The following KIF20B variants were observed in gnomAD, a reference collection of about 807,000 sequenced individuals.
The protein encoded by KIF20B is kinesin family member 20B, also known as kinesin-like protein KIF20B.
A neutral mutation model predicts 232.5 loss-of-function variants in KIF20B; 188 were observed. The observed-to-expected ratio is 0.81, with a 90% CI of 0.72 to 0.91. The LOEUF (loss-of-function observed/expected upper bound fraction) is 0.91, where lower values mean the gene tolerates loss of function less well. Ranked by LOEUF, KIF20B falls within the 40% of genes least tolerant of loss-of-function variation. The probability of loss-of-function intolerance (pLI) is 0.00; values close to 1 mark genes in which losing one functional copy is unlikely to be tolerated. For missense variants in KIF20B, 2,154 were observed against 2,055.9 expected, an observed-to-expected ratio of 1.05 and a Z score of -0.92; for synonymous variants, 712 against 683.0, an observed-to-expected ratio of 1.04 and a Z score of -0.66.
chr10:89,738,660 A>G (rs1367433318), intron 20 of KIF20B, 43 bp downstream of exon 20: 1 of 1,501,906 alleles, frequency 6.7e-7, no homozygotes, highest in Admixed American at 2.4e-5. Flanking sequence ...TACACAAAGC[A>G]TTCATTTTGC....
chr10:89,772,881 T>G, intron 32 of KIF20B, 50 bp downstream of exon 32: 1 of 1,491,474 alleles, frequency 6.7e-7, no homozygotes, highest in Non-Finnish European at 9.0e-7. Flanking sequence ...CGTGTTCTTT[T>G]TAATTTTTTA....
At chr10:89,727,806 A>G (rs772217411) in intron 16 of KIF20B, 50 bp from the exon 17 acceptor site, 56 of 1,442,708 alleles carry the variant, frequency 3.9e-5, no homozygotes, top group African/African-American at 4.2e-5. Context: ...TCAGTGATAC[A>G]TATTTTTAGA....
intron 31 of KIF20B, among the ~76,000 whole-genome samples, chr10:89,771,998 C>T (rs1310504754): frequency 6.6e-6 from 1 of 151,864 alleles, no homozygotes; most frequent in Non-Finnish European, 1.5e-5. Flanking sequence ...CAGCTCAGCC[C>T]TTAACAAGTA....
At chr10:89,732,269 G>A (rs1053965649) in intron 18 of KIF20B, among the ~76,000 whole-genome samples, 19 of 152,062 alleles carry the variant, frequency 1.2e-4, no homozygotes, top group African/African-American at 3.9e-4. Context: ...TGGGACTGCA[G>A]GCATGGACCA....
At position 89,724,112 on chromosome 10, in the gene KIF20B, T is replaced by G; in HGVS notation, c.1862+9T>G. 3.4e-6 allele frequency: 5 copies of G among 1,472,670 alleles called. No individual in the cohort carries two copies. Among genetic ancestry groups the G allele is most frequent in the Non-Finnish European group, 4.5e-6 (5 of 1,114,472 alleles). 91.2% of individuals were successfully genotyped at this position (1,472,670 alleles called of 1,614,324 possible). On this transcript the variant is annotated intron_variant, in intron 14 of 32. Coordinates refer to ENST00000371728, the MANE Select transcript of KIF20B (RefSeq NM_001284259.2). ...CGGGAAGCTGACTTTAAGTAAGTTA[T>G]TTATTTCATGTCCAGGTAAAAATTG...
chr10:89,751,734 T>C (rs568904374), intron 24 of KIF20B, among the ~76,000 whole-genome samples: 96 of 152,150 alleles, frequency 6.3e-4, no homozygotes, highest in African/African-American at 2.2e-3. Context: ...TAACTTGCAG[T>C]GTTCCCTAGA....
chr10:89,770,863 A>G (rs1842448391), intron 31 of KIF20B, among the ~76,000 whole-genome samples: 1 of 151,970 alleles, frequency 6.6e-6, no homozygotes, highest in Admixed American at 6.6e-5. Flanking sequence ...GTTCTTTTCA[A>G]AGTGCAGATT....
At chr10:89,703,873 C>T (rs1304106607) in intron 1 of KIF20B, among the ~76,000 whole-genome samples, 4 of 151,882 alleles carry the variant, frequency 2.6e-5, no homozygotes, top group Admixed American at 2.6e-4. Flanking sequence ...CTACCTCAGC[C>T]TCCTTAGTAG....
chr10:89,702,808 A>G (rs895988050), intron 1 of KIF20B, among the ~76,000 whole-genome samples: 7 of 149,818 alleles, frequency 4.7e-5, no homozygotes, highest in South Asian at 2.1e-4. Flanking sequence ...ATTTTAAGTC[A>G]TTAGGTAGTC....
chr10:89,754,639 A>G lies in KIF20B; in HGVS notation c.4469A>G (p.Asp1490Gly). 6.3e-7 allele frequency: 1 copy of G among 1,592,946 alleles called. No individual in the cohort carries two copies. The highest frequency in any genetic ancestry group is 8.5e-7 in the Non-Finnish European group (1 of 1,171,532). ...AAAGAGATGAAAAAATATGCTGAGGACAGGGAGCGTTTTTTTAAGCAACAG... is the reference window on the plus strand; with the variant it reads ...AAAGAGATGAAAAAATATGCTGAGGGCAGGGAGCGTTTTTTTAAGCAACAG... The part of the protein sequence containing the change: ...RNKEMKKYAE[D>G]RERFFKQQNE... Residue 1490 changes from aspartate (D) to glycine (G), a missense_variant, in exon 26 of 33, where the codon GAC becomes GGC. Transcript: ENST00000371728.
intron 5 of KIF20B, 84 bp downstream of exon 5, chr10:89,710,149 T>C (rs558842087): frequency 1.6e-6 from 2 of 1,230,016 alleles, no homozygotes; most frequent in African/African-American, 1.5e-5. Flanking sequence ...CATGTAGTTA[T>C]GTTGCTATTA....
intron 13 of KIF20B, among the ~76,000 whole-genome samples, chr10:89,720,696 G>GTATT (rs199703297): frequency 0.019 from 2,815 of 151,736 alleles, 98 homozygotes; most frequent in African/African-American, 0.064. Flanking sequence ...TCCAATTATA[G>GTATT]TATTTATTTA....
Position 89,757,038 on chromosome 10 carries a change from G to GTATATATATATA in KIF20B, c.4504-1667_4504-1666insATATATATATAT, listed in dbSNP as rs1286710895. Among the ~76,000 whole-genome samples the GTATATATATATA allele has an allele frequency of 4.0e-3, 314 of 78,914 alleles. 1 individual carries two copies. Among genetic ancestry groups the GTATATATATATA allele is most frequent in the African/African-American group, 0.012 (287 of 24,190 alleles). 51.8% of individuals were successfully genotyped at this position (78,914 alleles called of 152,430 possible). A position where few individuals can be genotyped will look rare whatever the true frequency, so the allele number is the denominator to read the frequency against. On this transcript the variant is annotated intron_variant, in intron 26 of 32. Transcript: ENST00000371728. ...ATATCTCTGTTGTGTGTGTGTGTGT[G>GTATATATATATA]TGTATATATATATATATATATATAT...
intron 25 of KIF20B, among the ~76,000 whole-genome samples, chr10:89,753,897 C>T (rs1296626304): frequency 1.3e-5 from 2 of 152,182 alleles, no homozygotes; most frequent in South Asian, 2.1e-4. Flanking sequence ...GAATTACGGG[C>T]GTGAGCCACC....
chr10:89,737,445 A>G lies in KIF20B; in HGVS notation c.2604A>G (p.Arg868=). 6.2e-7 allele frequency: 1 copy of G among 1,605,312 alleles called. No homozygotes were observed. Among genetic ancestry groups the G allele is most frequent in the Admixed American group, 1.7e-5 (1 of 58,058 alleles). Residue 868 remains arginine, a synonymous_variant, in exon 20 of 33, where the codon CGA becomes CGG. Transcript: ENST00000371728. ...TEDQKKSEEV[R]PNIAEIEDIR... ...ACCAAAAGAAAAGTGAAGAAGTGCG[A>G]CCGAACATTGCAGAAATTGAAGACA... is the stretch of plus-strand genomic sequence containing the variant.
rs1564674160 is a variant in KIF20B at position 89,758,862 on chromosome 10, A to C, written c.4660A>C (p.Ile1554Leu). ...TGAAATTGAACAACTAAAAAGGATC[A>C]TATCAGAGACTTCTAAAATAGTCAG... is the stretch of plus-strand genomic sequence containing the variant. ...DNEIEQLKRI[I>L]SETSKIETQI... is the part of the protein sequence containing the mutation. Residue 1554 changes from isoleucine (I) to leucine (L), a missense_variant, in exon 27 of 33, where the codon ATA becomes CTA. Coordinates refer to ENST00000371728, the MANE Select transcript of KIF20B (RefSeq NM_001284259.2). 1 of 1,576,028 alleles carries C rather than the reference A, an allele frequency of 6.3e-7. No individual in the cohort carries two copies. The highest frequency in any genetic ancestry group is 2.3e-5 in the East Asian group (1 of 43,410).
chr10:89,709,343 A>C lies in KIF20B; in HGVS notation c.235-2A>C, dbSNP rs142799530. 1.2e-6 allele frequency: 2 copies of C among 1,609,774 alleles called. No homozygotes were observed. Among genetic ancestry groups the C allele is most frequent in the Non-Finnish European group, 1.7e-6 (2 of 1,177,146 alleles). The stretch of plus-strand genomic sequence containing the variant: ...TTTATTTATTGGGGGTATGTTTTCT[A>C]GGGCTGTGTGCATATTCTGGATTCA... On this transcript the variant is annotated splice_acceptor_variant, in intron 3 of 32. Transcript: ENST00000371728. LOFTEE classifies it high-confidence loss of function.
intron 29 of KIF20B, among the ~76,000 whole-genome samples, chr10:89,766,769 A>G (rs990000394): frequency 6.6e-6 from 1 of 152,080 alleles, no homozygotes; most frequent in African/African-American, 2.4e-5. Flanking sequence ...CTGAGTGAAT[A>G]TTATTCAGCA....
rs1288148647 is a variant in KIF20B, at chr10:89,754,520, G to A, written c.4350G>A (p.Glu1450=). The A allele has an allele frequency of 1.9e-6, 3 of 1,579,718 alleles. No homozygotes were observed. Among genetic ancestry groups the A allele is most frequent in the Admixed American group, 1.8e-5 (1 of 55,628 alleles). The change falls in exon 26 of 33, where the codon GAG becomes GAA. Residue 1450 remains glutamate (E), a splice_region_variant and synonymous_variant. Coordinates refer to ENST00000371728, the MANE Select transcript of KIF20B (RefSeq NM_001284259.2). ...KLTNLQDELQ[E]SEQKYNADRK... ...ACTTATACCATTTATATATACAGGA[G>A]TCTGAACAGAAATATAATGCTGATA...
Sources: allele counts gnomAD v4.1 joint callset (sites outside exome capture counted in the v4.1 genomes callset), GRCh38; gene constraint gnomAD v4.1.1; transcripts MANE v1.5; gene names NCBI Gene and HGNC (gene_info 2026-07-23, HGNC 2026-07-21).